Variants in EYS observed in about 807,000 individuals in gnomAD.
EYS encodes protein eyes shut homolog.
A neutral mutation model predicts 282.1 loss-of-function variants in EYS; 250 were observed. The ratio of observed to expected loss-of-function variants is 0.89; its 90% CI spans 0.80 to 0.98. The LOEUF (loss-of-function observed/expected upper bound fraction) is 0.98. Ranked by LOEUF, EYS falls within the 50% of genes least tolerant of loss-of-function variation. The probability of loss-of-function intolerance (pLI) is 0.00; values close to 1 mark genes in which losing one functional copy is unlikely to be tolerated. For synonymous variants in EYS, 1,355 were observed against 1,282.9 expected (o/e 1.06, Z -1.20); for missense variants, 4,016 against 3,709.0 (o/e 1.08, Z -2.15).
chr6:64,196,796 AT>A (rs1765303274), intron 31 of EYS, among the ~76,000 whole-genome samples: 1 of 151,452 alleles, frequency 6.6e-6, no homozygotes, highest in South Asian at 2.1e-4. Flanking sequence ...CTAATGCTAA[AT>A]GATGAGTTAA....
intron 35 of EYS, among the ~76,000 whole-genome samples, chr6:63,966,187 A>T (rs1380931434): frequency 1.3e-5 from 2 of 152,224 alleles, no homozygotes; most frequent in Non-Finnish European, 1.5e-5. Context: ...CTCAGCCATA[A>T]AAATAAATGA....
intron 1 of EYS, among the ~76,000 whole-genome samples, chr6:65,684,989 A>T (rs1171236515): frequency 1.3e-5 from 2 of 152,016 alleles, no homozygotes; most frequent in Non-Finnish European, 2.9e-5. Flanking sequence ...GAAAACAGGC[A>T]GCCTAAAGAT....
At chr6:63,808,049 T>C (rs902892294) in intron 36 of EYS, among the ~76,000 whole-genome samples, 1 of 152,212 alleles carries the variant, frequency 6.6e-6, no homozygotes, top group African/African-American at 2.4e-5. Context: ...TTAGGCTAGA[T>C]TGACAAATAC....
chr6:64,282,535 C>G (rs1415682841), intron 30 of EYS, among the ~76,000 whole-genome samples: 1 of 152,170 alleles, frequency 6.6e-6, no homozygotes. Context: ...CTTTAGATGA[C>G]TCCAGCTGCC....
chr6:64,089,401 A>G (rs955131344), intron 31 of EYS, among the ~76,000 whole-genome samples: 4 of 149,628 alleles, frequency 2.7e-5, no homozygotes, highest in African/African-American at 7.3e-5. Flanking sequence ...CTATATATAA[A>G]TAAGAATCAA....
At chr6:65,581,586 T>C (rs1423287553) in intron 2 of EYS, among the ~76,000 whole-genome samples, 1 of 152,138 alleles carries the variant, frequency 6.6e-6, no homozygotes, top group Non-Finnish European at 1.5e-5. Context: ...TCCTAATGTT[T>C]AATGTTACTG....
chr6:64,484,492 G>T (rs1384935645), intron 26 of EYS, among the ~76,000 whole-genome samples: 1 of 151,602 alleles, frequency 6.6e-6, no homozygotes, highest in Non-Finnish European at 1.5e-5. Context: ...TTGGCCTTAG[G>T]TATAGGCAGC....
chr6:65,197,330 G>A (rs759759398), intron 12 of EYS, among the ~76,000 whole-genome samples: 13 of 151,990 alleles, frequency 8.6e-5, no homozygotes, highest in Non-Finnish European at 1.5e-4. Flanking sequence ...CTTGATTAAG[G>A]ATCTAATAAA....
intron 34 of EYS, among the ~76,000 whole-genome samples, chr6:63,998,144 C>G (rs146900133): frequency 6.6e-6 from 1 of 152,050 alleles, no homozygotes; most frequent in East Asian, 1.9e-4. Context: ...GGAAACAGAG[C>G]CTGAGATAGA....
At chr6:64,623,044 C>CA (rs1265649624) in intron 23 of EYS, among the ~76,000 whole-genome samples, 5 of 152,104 alleles carry the variant, frequency 3.3e-5, no homozygotes, top group African/African-American at 9.7e-5. Context: ...AGAATTCTCA[C>CA]AGTGTTTAGA....
intron 21 of EYS, among the ~76,000 whole-genome samples, chr6:64,818,248 T>G (rs943521314): frequency 2.0e-5 from 3 of 152,274 alleles, no homozygotes; most frequent in Admixed American, 1.3e-4. Context: ...ATCCAGAACT[T>G]AAATTACATT....
chr6:64,784,762 G>A (rs1045723308), intron 22 of EYS, among the ~76,000 whole-genome samples: 5 of 151,904 alleles, frequency 3.3e-5, no homozygotes, highest in Non-Finnish European at 4.4e-5. Flanking sequence ...TCAAATTCTC[G>A]GGTTTTTTTT....
chr6:64,239,759 T>C (rs1262929273), intron 30 of EYS, among the ~76,000 whole-genome samples: 1 of 152,194 alleles, frequency 6.6e-6, no homozygotes, highest in African/African-American at 2.4e-5. Flanking sequence ...TTTAGTTTAA[T>C]CAAATCCTGT....
chr6:64,759,333 C>G (rs556787229), intron 22 of EYS, among the ~76,000 whole-genome samples: 25 of 152,144 alleles, frequency 1.6e-4, no homozygotes, highest in Non-Finnish European at 2.6e-4. Flanking sequence ...CTTATCACCA[C>G]TTCTCTTAGT....
In EYS at chr6:64,204,973, A is replaced by G. The variant is rs1393917447; in HGVS notation, c.6424+25619T>C. 3.3e-5 allele frequency among the ~76,000 whole-genome samples: 5 copies of G among 152,142 alleles called. No homozygotes were observed. The East Asian group carries it at 9.6e-4, about 29-fold the overall frequency. Reference sequence around the variant, plus strand: ...AATGCACTGATGGATTGATAGAGGGATGGGTAGATATGTAATGAAATATTT... The same window carrying G: ...AATGCACTGATGGATTGATAGAGGGGTGGGTAGATATGTAATGAAATATTT... On this transcript the variant is annotated intron_variant, in intron 31 of 42. Transcript: ENST00000503581.
intron 12 of EYS, among the ~76,000 whole-genome samples, chr6:65,263,838 C>A (rs1767681507): frequency 6.6e-6 from 1 of 151,654 alleles, no homozygotes; most frequent in Admixed American, 6.6e-5. Context: ...GAGTTCAAAA[C>A]TTTAAGGTGC....
chr6:65,560,363 A>C (rs1582456773), intron 2 of EYS, among the ~76,000 whole-genome samples: 1 of 119,550 alleles, frequency 8.4e-6, no homozygotes, highest in Non-Finnish European at 2.0e-5. Flanking sequence ...AATATAACAT[A>C]AAATAATACA....
intron 35 of EYS, among the ~76,000 whole-genome samples, chr6:63,910,216 C>G (rs1215584125): frequency 6.6e-6 from 1 of 152,116 alleles, no homozygotes; most frequent in Non-Finnish European, 1.5e-5. Flanking sequence ...ACTATTAAGA[C>G]TTTCTCAAAT....
At chr6:64,191,992 T>C (rs1026234137) in intron 31 of EYS, among the ~76,000 whole-genome samples, 2 of 145,522 alleles carry the variant, frequency 1.4e-5, no homozygotes, top group Non-Finnish European at 3.0e-5. Context: ...CAGCACCTGT[T>C]GTTTCCTGAC....
Sources: allele counts gnomAD v4.1 joint callset (sites outside exome capture counted in the v4.1 genomes callset), GRCh38; gene constraint gnomAD v4.1.1; transcripts MANE v1.5; gene names NCBI Gene and HGNC (gene_info 2026-07-23, HGNC 2026-07-21).